N4BP2: variants seen among roughly 807,000 people sequenced by gnomAD.
N4BP2 encodes NEDD4 binding protein 2.
A neutral mutation model predicts 152.8 loss-of-function variants in N4BP2; 91 were observed. The ratio of observed to expected loss-of-function variants is 0.60; its 90% confidence interval spans 0.50 to 0.71. The LOEUF (loss-of-function observed/expected upper bound fraction) is 0.71. Ranked by LOEUF, N4BP2 falls within the 30% of genes least tolerant of loss-of-function variation. The pLI is 0.00. For missense variants in N4BP2, 1,923 were observed against 2,059.1 expected (o/e 0.93, Z 1.28); for synonymous variants, 646 against 705.3 (o/e 0.92, Z 1.33).
chr4:40,140,217 A>G (rs1004132761), intron 14 of N4BP2, among the ~76,000 whole-genome samples: 4 of 152,130 alleles, frequency 2.6e-5, no homozygotes, highest in African/African-American at 7.2e-5. Flanking sequence ...GTTAGTTGGT[A>G]TTTAGGACTT....
downstream of N4BP2, among the ~76,000 whole-genome samples, chr4:40,162,038 C>T (rs1721873027): frequency 6.6e-6 from 1 of 152,194 alleles, no homozygotes; most frequent in African/African-American, 2.4e-5. Flanking sequence ...GCCTTTTGAA[C>T]AGAATGAGCC....
At chr4:40,189,510 G>A in the N4BP2 span, among the ~76,000 whole-genome samples, 3 of 152,156 alleles carry the variant, frequency 2.0e-5, no homozygotes, top group African/African-American at 7.2e-5. This position sits in a 1 kb window ranked among gnomAD's most constrained non-coding sequence, Gnocchi z 4.3. Context: ...AATAGGAAGC[G>A]GACTGTGCAT....
In N4BP2 at chr4:40,073,476, A is replaced by G. The variant is rs1712413960; in HGVS notation, c.-190A>G. On this transcript the variant is annotated 5_prime_UTR_variant, in exon 2 of 18. Transcript: ENST00000261435. ...ATAGTAAGAAGACATGTTGGATAAC[A>G]AGAAGAGGTGTAGAGTTTGCATATA... 1 of 152,192 alleles carries G rather than the reference A, an allele frequency of 6.6e-6. No homozygotes were observed. The highest frequency in any genetic ancestry group is 1.5e-5 in the Non-Finnish European group (1 of 68,034). 9.4% of individuals were successfully genotyped at this position (152,192 alleles called of 1,614,324 possible). A position where few individuals can be genotyped will look rare whatever the true frequency, so the allele number is the denominator to read the frequency against.
Position 40,080,980 on chromosome 4 carries a change from T to C in N4BP2, c.-115+7429T>C, listed in dbSNP as rs868259786. The stretch of plus-strand genomic sequence containing the variant: ...TGCGCCTGGCAAGAATTTTCTTTAA[T>C]ACACTAAACATTATTTGGACACTAA... On this transcript the variant is annotated intron_variant, in intron 2 of 17. Coordinates refer to ENST00000261435, the MANE Select transcript of N4BP2 (RefSeq NM_018177.6). Among the ~76,000 whole-genome samples the C allele has an allele frequency of 1.3e-5, 2 of 151,858 alleles. 1 individual carries two copies. The highest frequency in any genetic ancestry group is 1.3e-4 in the Admixed American group (2 of 15,222).
intron 8 of N4BP2, among the ~76,000 whole-genome samples, chr4:40,119,069 C>T (rs906114170): frequency 1.3e-5 from 2 of 152,152 alleles, no homozygotes; most frequent in African/African-American, 2.4e-5. Flanking sequence ...TTCCTGGGTT[C>T]AAAAAGTCCC....
At chr4:40,084,048 C>A (rs368279259) in intron 2 of N4BP2, among the ~76,000 whole-genome samples, 2 of 152,314 alleles carry the variant, frequency 1.3e-5, no homozygotes, top group East Asian at 1.9e-4. Flanking sequence ...CAACCTCCCC[C>A]TCCTGGGTTC....
chr4:40,187,581 A>G, the N4BP2 span, among the ~76,000 whole-genome samples: 1 of 152,188 alleles, frequency 6.6e-6, no homozygotes, highest in African/African-American at 2.4e-5. Context: ...TGGCCTCCCA[A>G]AGCACTAGGA....
intron 5 of N4BP2, 117 bp from the exon 6 acceptor site, chr4:40,111,967 G>A: frequency 3.3e-6 from 2 of 603,014 alleles, no homozygotes. Flanking sequence ...TAGAAGTTGA[G>A]CAGTGAGTAA....
intron 5 of N4BP2, among the ~76,000 whole-genome samples, chr4:40,108,618 G>A (rs1716557229): frequency 7.0e-6 from 1 of 142,600 alleles, no homozygotes; most frequent in East Asian, 2.5e-4. Flanking sequence ...CTGGCAATTG[G>A]TTTACTTTTT....
At chr4:40,127,195 A>ATCT (rs569574412) in intron 12 of N4BP2, among the ~76,000 whole-genome samples, 52 of 151,738 alleles carry the variant, frequency 3.4e-4, no homozygotes, top group African/African-American at 1.3e-3. Flanking sequence ...GACCGGCTGC[A>ATCT]TCTTCTTCTT....
chr4:40,133,952 C>T (rs1348097947), intron 13 of N4BP2, among the ~76,000 whole-genome samples: 3 of 152,072 alleles, frequency 2.0e-5, no homozygotes, highest in African/African-American at 7.2e-5. Context: ...ACTATAGACA[C>T]GTGCCACCAC....
At chr4:40,188,659 C>T in the N4BP2 span, among the ~76,000 whole-genome samples, 1 of 145,460 alleles carries the variant, frequency 6.9e-6, no homozygotes, top group Non-Finnish European at 1.5e-5. Context: ...TTGGGAGGAT[C>T]ACCTGAGCCT....
At chr4:40,189,003 G>A in the N4BP2 span, among the ~76,000 whole-genome samples, 9 of 152,038 alleles carry the variant, frequency 5.9e-5, no homozygotes, top group East Asian at 3.9e-4. The surrounding 1 kb of genome is among the most constrained non-coding windows in gnomAD (Gnocchi z 4.3). Flanking sequence ...AAAATTAGCC[G>A]GGCATGGTGG....
At chr4:40,094,369 T>C (rs996887704) in intron 2 of N4BP2, among the ~76,000 whole-genome samples, 1 of 152,076 alleles carries the variant, frequency 6.6e-6, no homozygotes, top group Non-Finnish European at 1.5e-5. Flanking sequence ...ATTATTGGTG[T>C]TGTTGAGTTC....
intron 2 of N4BP2, among the ~76,000 whole-genome samples, chr4:40,085,018 T>C (rs1713801604): frequency 6.6e-6 from 1 of 151,372 alleles, no homozygotes; most frequent in African/African-American, 2.4e-5. Flanking sequence ...GTTCAAGCGA[T>C]TCTCCTGCCT....
chr4:40,118,339 C>T (rs1717544802), intron 8 of N4BP2, among the ~76,000 whole-genome samples: 1 of 152,112 alleles, frequency 6.6e-6, no homozygotes. Flanking sequence ...TTGCTTGAAC[C>T]CTGGAGGCAG....
intron 17 of N4BP2, among the ~76,000 whole-genome samples, chr4:40,153,830 T>A (rs549953117): frequency 1.3e-5 from 2 of 152,322 alleles, no homozygotes; most frequent in African/African-American, 2.4e-5. Context: ...ATGGCCAGAT[T>A]AATCAGACTT....
At chr4:40,114,703 T>C (rs1717195432) in intron 7 of N4BP2, among the ~76,000 whole-genome samples, 1 of 152,222 alleles carries the variant, frequency 6.6e-6, no homozygotes, top group East Asian at 1.9e-4. Context: ...ATCATAGTTT[T>C]AGGATCATGA....
intron 9 of N4BP2, among the ~76,000 whole-genome samples, chr4:40,122,779 C>G (rs1012365304): frequency 1.3e-5 from 2 of 152,080 alleles, no homozygotes; most frequent in African/African-American, 4.8e-5. Flanking sequence ...TTTTAAAATC[C>G]TTTGGTGCTA....
Sources: gnomAD v4.1 joint callset for allele counts (sites outside exome capture counted in the v4.1 genomes callset) on GRCh38, gnomAD v4.1.1 for gene constraint, Gnocchi (gnomAD v3.1) non-coding constraint, MANE v1.5 for transcripts, NCBI Gene and HGNC (gene_info 2026-07-23, HGNC 2026-07-21) for gene names.